The following RSPO3 variants were observed in gnomAD, a reference collection of about 807,000 sequenced individuals.
RSPO3 encodes R-spondin 3, also known as R-spondin-3.
RSPO3 carries 17 observed loss-of-function variants against 36.5 expected under a neutral mutation model. The observed-to-expected ratio is 0.47, with a 90% CI of 0.32 to 0.70. RSPO3 has a LOEUF of 0.70. Among genes scored for constraint, RSPO3 ranks in the 30% least tolerant of loss-of-function variants. RSPO3 has a pLI of 0.04. For missense variants in RSPO3, 294 were observed against 322.5 expected (o/e 0.91, Z 0.68); for synonymous variants, 108 against 107.0 (o/e 1.01, Z -0.06).
intron 1 of RSPO3, among the ~76,000 whole-genome samples, chr6:127,128,138 C>G (rs1773974125): frequency 6.6e-6 from 1 of 152,018 alleles, no homozygotes; most frequent in Non-Finnish European, 1.5e-5. Flanking sequence ...AATCAGAATC[C>G]TTCTATGTAA....
intron 4 of RSPO3, among the ~76,000 whole-genome samples, chr6:127,189,843 C>A (rs1478844011): frequency 2.6e-5 from 4 of 152,076 alleles, no homozygotes; most frequent in Non-Finnish European, 5.9e-5. Flanking sequence ...AATCAGGTAG[C>A]TTTAAATTTC....
rs745308828 is a variant in RSPO3, at chr6:127,155,472, ATCC to A, written c.634+37_634+39del. 141 of 1,570,002 alleles carry A rather than the reference ATCC, an allele frequency of 9.0e-5. 1 individual carries two copies. In the African/African-American group the frequency reaches 1.5e-3, roughly 16 times the overall value. ...ATAATAACAAAATGTGCTTGTTTGA[ATCC>A]TCATAATCTGTTGCATTTTTCATTT... On this transcript the variant is annotated intron_variant, in intron 4 of 4. Coordinates refer to ENST00000356698, the MANE Select transcript of RSPO3 (RefSeq NM_032784.5).
intron 4 of RSPO3, among the ~76,000 whole-genome samples, chr6:127,181,932 G>T (rs1775195969): frequency 6.6e-6 from 1 of 151,770 alleles, no homozygotes; most frequent in African/African-American, 2.4e-5. Context: ...GGTTTATTTG[G>T]CTAACAGTTC....
chr6:127,148,868 A>G (rs779057332), intron 2 of RSPO3, 29 bp downstream of exon 2: 23 of 1,564,828 alleles, frequency 1.5e-5, no homozygotes, highest in Non-Finnish European at 1.9e-5. Flanking sequence ...TTGTATTTTT[A>G]TCTCATCTTT....
chr6:127,187,965 T>C (rs1313122570), intron 4 of RSPO3, among the ~76,000 whole-genome samples: 1 of 152,192 alleles, frequency 6.6e-6, no homozygotes, highest in Non-Finnish European at 1.5e-5. Context: ...CACTTTTAAC[T>C]GTTCTTTTAA....
rs910440415 is a variant in RSPO3 at position 127,198,700 on chromosome 6, T to C, written c.*2693T>C. On this transcript the variant is annotated 3_prime_UTR_variant, in exon 5 of 5. Coordinates refer to ENST00000356698, the MANE Select transcript of RSPO3 (RefSeq NM_032784.5). ...CCTCAGATTTAGGTTCTAGTAGCAG[T>C]TGTGTAACCACTAGTGAGTCACTTA... 6.6e-6 allele frequency among the ~76,000 whole-genome samples: 1 copy of C among 152,206 alleles called. No individual in the cohort carries two copies. The highest frequency in any genetic ancestry group is 1.5e-5 in the Non-Finnish European group (1 of 68,030).
chr6:127,169,123 T>C (rs1351580664), intron 4 of RSPO3, among the ~76,000 whole-genome samples: 1 of 151,876 alleles, frequency 6.6e-6, no homozygotes, highest in Non-Finnish European at 1.5e-5. Flanking sequence ...TCGCCACACT[T>C]ACTTCCACAA....
chr6:127,134,428 G>A (rs1470093185), intron 1 of RSPO3, among the ~76,000 whole-genome samples: 4 of 151,832 alleles, frequency 2.6e-5, no homozygotes, highest in African/African-American at 9.7e-5. Flanking sequence ...CTAACATATT[G>A]TATGTTTTAA....
chr6:127,182,849 A>C (rs1432124836), intron 4 of RSPO3, among the ~76,000 whole-genome samples: 4 of 152,010 alleles, frequency 2.6e-5, no homozygotes, highest in African/African-American at 4.8e-5. Context: ...ATCAGGCAAG[A>C]TGGGCTAGAA....
chr6:127,147,989 G>A (rs904887440), intron 1 of RSPO3, among the ~76,000 whole-genome samples: 12 of 152,084 alleles, frequency 7.9e-5, no homozygotes, highest in Admixed American at 2.0e-4. Flanking sequence ...TATTAAGCTC[G>A]TGTGAGAAGA....
chr6:127,150,822 A>G (rs900076888), intron 3 of RSPO3, among the ~76,000 whole-genome samples: 6 of 151,084 alleles, frequency 4.0e-5, no homozygotes, highest in Admixed American at 2.0e-4. Context: ...CGTTTCAACC[A>G]TTCTGTTTAT....
chr6:127,121,490 A>T (rs1446013828), intron 1 of RSPO3, among the ~76,000 whole-genome samples: 1 of 152,148 alleles, frequency 6.6e-6, no homozygotes, highest in East Asian at 1.9e-4. Context: ...GGACTGGGAG[A>T]CAGCACCCAC....
At chr6:127,142,363 A>G (rs1358377027) in intron 1 of RSPO3, among the ~76,000 whole-genome samples, 3 of 152,214 alleles carry the variant, frequency 2.0e-5, no homozygotes, top group Non-Finnish European at 4.4e-5. Flanking sequence ...ACTGGGCAGA[A>G]TTTTAGAGAG....
intron 4 of RSPO3, among the ~76,000 whole-genome samples, chr6:127,185,319 G>A (rs1255203280): frequency 1.3e-5 from 2 of 152,066 alleles, no homozygotes; most frequent in African/African-American, 4.8e-5. Context: ...CCTGCTATAG[G>A]TGAAATACTC....
chr6:127,119,270 G>C lies in RSPO3; in HGVS notation c.78G>C (p.Arg26=), dbSNP rs777811963. ...ACATCGGCAGCCAAAACGCCTCCCGGGGAAGGCGCCAGCGAAGAAGTAAGT... is the reference window on the plus strand; with the variant it reads ...ACATCGGCAGCCAAAACGCCTCCCGCGGAAGGCGCCAGCGAAGAAGTAAGT... ...MEYIGSQNAS[R]GRRQRRMHPN... The change falls in exon 1 of 5, where the codon CGG becomes CGC. Residue 26 remains arginine, a synonymous_variant. Coordinates refer to ENST00000356698, the MANE Select transcript of RSPO3 (RefSeq NM_032784.5). 3.7e-6 allele frequency: 6 copies of C among 1,612,434 alleles called. No homozygotes were observed. The African/African-American group carries it at 5.3e-5, about 14-fold the overall frequency.
Position 127,150,532 on chromosome 6 carries a change from G to T in RSPO3, c.396G>T (p.Gly132=). 1 of 1,611,916 alleles carries T rather than the reference G, an allele frequency of 6.2e-7. No individual in the cohort carries two copies. The highest frequency in any genetic ancestry group is 8.5e-7 in the Non-Finnish European group (1 of 1,178,848). The change falls in exon 3 of 5, where the codon GGG becomes GGT. Residue 132 remains glycine (G), a synonymous_variant. Coordinates refer to ENST00000356698, the MANE Select transcript of RSPO3 (RefSeq NM_032784.5). ...LGKCLDNCPE[G]LEANNHTMEC... ...AGTGCCTTGACAATTGCCCAGAAGG[G>T]TTGGAAGCCAACAACCATACTATGG... is the stretch of plus-strand genomic sequence containing the variant.
intron 1 of RSPO3, among the ~76,000 whole-genome samples, chr6:127,143,288 C>T (rs567511289): frequency 1.3e-5 from 2 of 152,074 alleles, no homozygotes; most frequent in East Asian, 3.9e-4. Context: ...GACCTCTTCC[C>T]TCAGGAAGCG....
chr6:127,197,795 C>T lies in RSPO3; in HGVS notation c.*1788C>T, dbSNP rs1775545363. On this transcript the variant is annotated 3_prime_UTR_variant, in exon 5 of 5. Coordinates refer to ENST00000356698, the MANE Select transcript of RSPO3 (RefSeq NM_032784.5). The stretch of plus-strand genomic sequence containing the variant: ...CTGTTTCTTATTCTGGTGTTTCTTT[C>T]CTTGTCCCTATGAGATAAGTGTCTC... 6 of 328,874 alleles carry T rather than the reference C, an allele frequency of 1.8e-5. No homozygotes were observed. The South Asian group carries it at 4.1e-4, about 23-fold the overall frequency. The allele number at this position is 328,874 out of a possible 1,614,324, so 20.4% of individuals were successfully genotyped here. A position where few individuals can be genotyped will look rare whatever the true frequency, so the allele number is the denominator to read the frequency against.
At chr6:127,138,598 C>G (rs1223170439) in intron 1 of RSPO3, among the ~76,000 whole-genome samples, 1 of 151,992 alleles carries the variant, frequency 6.6e-6, no homozygotes, top group Non-Finnish European at 1.5e-5. Context: ...TTGATGATTG[C>G]CTAAGAGAGT....
Sources: allele counts gnomAD v4.1 joint callset (sites outside exome capture counted in the v4.1 genomes callset), GRCh38; gene constraint gnomAD v4.1.1; transcripts MANE v1.5; gene names NCBI Gene and HGNC (gene_info 2026-07-23, HGNC 2026-07-21).